C2orf76: variants seen among roughly 807,000 people sequenced by gnomAD.
C2orf76 encodes the protein chromosome 2 open reading frame 76.
C2orf76 carries 23 observed loss-of-function variants against 16.9 expected under a neutral mutation model. The observed-to-expected ratio is 1.36, with a 90% CI of 0.98 to 1.93. The LOEUF is 1.93. Among genes scored for constraint, C2orf76 ranks in the 30% most tolerant of loss-of-function variants. The pLI is 0.00. For synonymous variants in C2orf76, 48 were observed against 52.3 expected, an observed-to-expected ratio of 0.92 and a Z score of 0.35; for missense variants, 152 against 152.6, an observed-to-expected ratio of 1.00 and a Z score of 0.02.
At chr2:119,288,777 G>A in the C2orf76 span, among the ~76,000 whole-genome samples, 6 of 151,936 alleles carry the variant, frequency 3.9e-5, no homozygotes, top group African/African-American at 1.4e-4. Flanking sequence ...TGGAGAGGAG[G>A]CACTCACCTG....
At chr2:119,289,047 A>T in the C2orf76 span, among the ~76,000 whole-genome samples, 18 of 152,066 alleles carry the variant, frequency 1.2e-4, no homozygotes, top group African/African-American at 4.3e-4. Context: ...ACACTGAAAA[A>T]GCCAACATGT....
downstream of C2orf76, among the ~76,000 whole-genome samples, chr2:119,297,748 C>T (rs1468871954): frequency 5.3e-5 from 8 of 152,048 alleles, no homozygotes; most frequent in East Asian, 1.2e-3. Flanking sequence ...TCACTGGCCT[C>T]GGCCTCCCAA....
the C2orf76 span, among the ~76,000 whole-genome samples, chr2:119,291,845 T>C: frequency 6.6e-6 from 1 of 152,056 alleles, no homozygotes; most frequent in Non-Finnish European, 1.5e-5. Context: ...AAACAATATG[T>C]TTAGTCAGGC....
At chr2:119,306,479 G>A (rs892722436) in intron 5 of C2orf76, among the ~76,000 whole-genome samples, 1 of 152,208 alleles carries the variant, frequency 6.6e-6, no homozygotes, top group South Asian at 2.1e-4. Context: ...GAGTTTGGCC[G>A]CTGTATCTTG....
chr2:119,292,437 C>T, the C2orf76 span, among the ~76,000 whole-genome samples: 1 of 152,134 alleles, frequency 6.6e-6, no homozygotes, highest in South Asian at 2.1e-4. Context: ...AGAGCCCTAG[C>T]GGCAGAAAAG....
chr2:119,313,266 G>A (rs185151868), intron 4 of C2orf76, among the ~76,000 whole-genome samples: 6 of 152,066 alleles, frequency 3.9e-5, no homozygotes, highest in Admixed American at 3.3e-4. Context: ...AAACTCCAGA[G>A]CATACAGATT....
chr2:119,296,230 G>C, the C2orf76 span, among the ~76,000 whole-genome samples: 83 of 152,238 alleles, frequency 5.5e-4, no homozygotes, highest in Non-Finnish European at 9.0e-4. Flanking sequence ...CAGACAGAAA[G>C]GCCCACTGTC....
chr2:119,312,442 G>A (rs1679025440), intron 4 of C2orf76, among the ~76,000 whole-genome samples: 1 of 152,000 alleles, frequency 6.6e-6, no homozygotes, highest in African/African-American at 2.4e-5. Context: ...TAGAGACGGG[G>A]TCTCACTATC....
the C2orf76 span, among the ~76,000 whole-genome samples, chr2:119,289,687 G>GAA: frequency 6.6e-3 from 943 of 141,894 alleles, 7 homozygotes; most frequent in Non-Finnish European, 9.9e-3. Context: ...TCCGTCTCAA[G>GAA]AAAAAAAAAA....
At chr2:119,356,396 CAA>C (rs34898813) in intron 1 of C2orf76, among the ~76,000 whole-genome samples, 47 of 95,604 alleles carry the variant, frequency 4.9e-4, no homozygotes, top group Non-Finnish European at 5.7e-4. Context: ...GACTCTGTCT[CAA>C]AAAAAAAAAA....
At chr2:119,365,021 C>G (rs902654801) in intron 1 of C2orf76, among the ~76,000 whole-genome samples, 2 of 152,142 alleles carry the variant, frequency 1.3e-5, no homozygotes, top group Non-Finnish European at 2.9e-5. Flanking sequence ...GAGTTCAAGG[C>G]TGCAGAGAGC....
At chr2:119,286,885 T>C in the C2orf76 span, among the ~76,000 whole-genome samples, 1 of 152,118 alleles carries the variant, frequency 6.6e-6, no homozygotes, top group Non-Finnish European at 1.5e-5. Context: ...CTGACTTCTG[T>C]TGAGGAGGTA....
Position 119,313,452 on chromosome 2 carries a change from T to C in C2orf76, c.223-1749A>G, listed in dbSNP as rs1307266198. Among the ~76,000 whole-genome samples, 3 of 151,592 alleles carry C rather than the reference T, an allele frequency of 2.0e-5. No homozygotes were observed. In the East Asian group the frequency reaches 5.8e-4, roughly 29 times the overall value. On this transcript the variant is annotated intron_variant, in intron 4 of 5. Coordinates refer to ENST00000334816, the MANE Select transcript of C2orf76 (RefSeq NM_001322331.2). ...AAAAAAAAAGTTTTATTTAATTAGC[T>C]GGGTGTGGTGGCACACATCTATACT...
the C2orf76 span, among the ~76,000 whole-genome samples, chr2:119,284,627 C>T: frequency 1.3e-5 from 2 of 151,120 alleles, no homozygotes; most frequent in African/African-American, 4.9e-5. Flanking sequence ...CATCATCAGC[C>T]TGTGTTCATT....
At chr2:119,315,479 G>A (rs1287471030) in intron 4 of C2orf76, among the ~76,000 whole-genome samples, 1 of 152,146 alleles carries the variant, frequency 6.6e-6, no homozygotes, top group East Asian at 1.9e-4. Context: ...CGCAGATGGG[G>A]AATAGAAAAT....
At chr2:119,334,867 G>T (rs138772782) in intron 2 of C2orf76, among the ~76,000 whole-genome samples, 22 of 152,242 alleles carry the variant, frequency 1.4e-4, no homozygotes, top group African/African-American at 4.8e-4. Context: ...AACAGATTTT[G>T]TAAGACTACA....
At chr2:119,317,562 T>A (rs1291122160) in intron 3 of C2orf76, 59 bp from the exon 4 acceptor site, 2 of 1,406,420 alleles carry the variant, frequency 1.4e-6, no homozygotes, top group Non-Finnish European at 2.0e-6. Flanking sequence ...CTTTTCAAAT[T>A]ATTAAAATGG....
intron 1 of C2orf76, among the ~76,000 whole-genome samples, chr2:119,352,237 T>C (rs1029878030): frequency 1.3e-5 from 2 of 152,222 alleles, no homozygotes; most frequent in African/African-American, 4.8e-5. Flanking sequence ...AAATATTTTA[T>C]AAAGCATATA....
At chr2:119,289,292 T>C in the C2orf76 span, among the ~76,000 whole-genome samples, 1 of 152,042 alleles carries the variant, frequency 6.6e-6, no homozygotes, top group African/African-American at 2.4e-5. Context: ...CTTCTTAAGA[T>C]TCTACTCTCC....
Sources: allele counts gnomAD v4.1 joint callset (sites outside exome capture counted in the v4.1 genomes callset), GRCh38; gene constraint gnomAD v4.1.1; transcripts MANE v1.5; gene names NCBI Gene and HGNC (gene_info 2026-07-23, HGNC 2026-07-21).